STPG2: variants seen among roughly 807,000 people sequenced by gnomAD.
STPG2 encodes the protein sperm-tail PG-rich repeat-containing protein 2.
A neutral mutation model predicts 54.2 loss-of-function variants in STPG2; 56 were observed. The observed-to-expected ratio is 1.03, with a 90% confidence interval of 0.83 to 1.29. The LOEUF is 1.29. Ranked by LOEUF, STPG2 falls within the 50% of genes most tolerant of loss-of-function variation. STPG2 has a pLI of 0.00. For synonymous variants in STPG2, 200 were observed against 181.8 expected (o/e 1.10, Z -0.81); for missense variants, 596 against 544.9 (o/e 1.09, Z -0.93).
chr4:97,466,647 TGTGA>T (rs1729794820), intron 4 of STPG2, among the ~76,000 whole-genome samples: 1 of 152,108 alleles, frequency 6.6e-6, no homozygotes, highest in Admixed American at 6.6e-5. Flanking sequence ...ATTTTTCTTT[TGTGA>T]GTTTCTTCCA....
chr4:97,597,367 C>G (rs1293427021), intron 10 of STPG2, among the ~76,000 whole-genome samples: 6 of 151,850 alleles, frequency 4.0e-5, no homozygotes, highest in Non-Finnish European at 8.8e-5. Flanking sequence ...GAAACTATTC[C>G]AAAAAATTGA....
intron 9 of STPG2, among the ~76,000 whole-genome samples, chr4:97,839,308 T>C (rs780573991): frequency 7.5e-4 from 114 of 151,660 alleles, no homozygotes; most frequent in Admixed American, 1.3e-3. Context: ...ATTAGCTAAT[T>C]TACTTGCCCT....
At chr4:97,939,134 T>A (rs1380155187) in intron 8 of STPG2, among the ~76,000 whole-genome samples, 1 of 152,242 alleles carries the variant, frequency 6.6e-6, no homozygotes, top group African/African-American at 2.4e-5. Context: ...GATTTTTTTA[T>A]AGTCTTGACA....
chr4:98,139,919 A>C (rs1293297392), intron 1 of STPG2, among the ~76,000 whole-genome samples: 2 of 152,156 alleles, frequency 1.3e-5, no homozygotes, highest in Non-Finnish European at 2.9e-5. Context: ...TATGGTATTC[A>C]CCTAAAAACT....
intron 7 of STPG2, among the ~76,000 whole-genome samples, chr4:97,963,762 G>A (rs576484118): frequency 5.8e-4 from 88 of 151,082 alleles, no homozygotes; most frequent in African/African-American, 1.3e-3. Flanking sequence ...TACTTATATC[G>A]GACTAAATGA....
intron 3 of STPG2, among the ~76,000 whole-genome samples, chr4:98,113,388 T>C (rs1578176236): frequency 6.6e-6 from 1 of 152,026 alleles, no homozygotes; most frequent in Non-Finnish European, 1.5e-5. Flanking sequence ...AAAAAAATGG[T>C]ATTTAAGTTA....
At chr4:97,904,144 G>A (rs919426123) in intron 8 of STPG2, among the ~76,000 whole-genome samples, 1 of 152,252 alleles carries the variant, frequency 6.6e-6, no homozygotes, top group African/African-American at 2.4e-5. Context: ...ACCTCTGGGG[G>A]CAGGGCACAG....
chr4:97,899,437 A>G (rs1012661170), intron 8 of STPG2, among the ~76,000 whole-genome samples: 9 of 152,002 alleles, frequency 5.9e-5, no homozygotes, highest in African/African-American at 1.9e-4. Context: ...CTATCAAACT[A>G]CCAATGATTT....
chr4:97,533,406 T>C (rs1731459530), intron 4 of STPG2, among the ~76,000 whole-genome samples: 1 of 152,106 alleles, frequency 6.6e-6, no homozygotes, highest in Admixed American at 6.6e-5. Context: ...CTGTGTGTTG[T>C]CGTTATTGTT....
intron 5 of STPG2, among the ~76,000 whole-genome samples, chr4:97,987,349 G>C (rs1734860624): frequency 6.6e-6 from 1 of 152,128 alleles, no homozygotes; most frequent in South Asian, 2.1e-4. Context: ...CAGCTAGCTT[G>C]TCTCTAAAAA....
At chr4:97,668,416 T>C (rs1164680213) in intron 10 of STPG2, among the ~76,000 whole-genome samples, 1 of 152,102 alleles carries the variant, frequency 6.6e-6, no homozygotes, top group African/African-American at 2.4e-5. Flanking sequence ...TCAATGAACA[T>C]TGAAATGATC....
At chr4:97,605,603 G>A (rs945860601) in intron 10 of STPG2, among the ~76,000 whole-genome samples, 4 of 151,666 alleles carry the variant, frequency 2.6e-5, no homozygotes, top group Non-Finnish European at 5.9e-5. Context: ...TGACTTGGAA[G>A]TTTTGCATAG....
chr4:97,787,174 T>C (rs867840196), intron 9 of STPG2, among the ~76,000 whole-genome samples: 2 of 152,242 alleles, frequency 1.3e-5, no homozygotes, highest in Middle Eastern at 3.4e-3. Context: ...GACAGTTTAA[T>C]CATCCTGTGA....
chr4:98,104,632 T>G (rs1215946755), intron 5 of STPG2, among the ~76,000 whole-genome samples: 1 of 152,240 alleles, frequency 6.6e-6, no homozygotes, highest in African/African-American at 2.4e-5. Flanking sequence ...TTCAAAATTC[T>G]TATTTTATCA....
chr4:97,859,008 C>A (rs1477046468), intron 8 of STPG2, among the ~76,000 whole-genome samples: 1 of 152,160 alleles, frequency 6.6e-6, no homozygotes, highest in African/African-American at 2.4e-5. Flanking sequence ...GTTTACATTC[C>A]CAACAGCAGT....
chr4:97,577,849 T>C (rs1732761767), intron 10 of STPG2, among the ~76,000 whole-genome samples: 1 of 152,220 alleles, frequency 6.6e-6, no homozygotes. Context: ...TGTTAATTGT[T>C]AATTTCAACA....
rs551178050 is a variant in STPG2 at position 97,731,245 on chromosome 4, G to C, written c.1205-18431C>G. 6.2e-4 allele frequency among the ~76,000 whole-genome samples: 94 copies of C among 152,260 alleles called. 2 individuals carry two copies. Among genetic ancestry groups the C allele is most frequent in the Admixed American group, 2.0e-3 (30 of 15,292 alleles). ...ACGCTGAGTATAGTCAATTGGCTTTGTTTCTGGGTGCTTCAGAGGGCCAAA... is the reference window on the plus strand; with the variant it reads ...ACGCTGAGTATAGTCAATTGGCTTTCTTTCTGGGTGCTTCAGAGGGCCAAA... On this transcript the variant is annotated intron_variant, in intron 9 of 10. Transcript: ENST00000295268.
chr4:97,860,609 A>G (rs1729494048), intron 8 of STPG2, among the ~76,000 whole-genome samples: 1 of 151,752 alleles, frequency 6.6e-6, no homozygotes, highest in Non-Finnish European at 1.5e-5. Flanking sequence ...CATGCTACTG[A>G]TTTGTGAACA....
intron 8 of STPG2, among the ~76,000 whole-genome samples, chr4:97,881,173 G>C (rs910466227): frequency 6.6e-6 from 1 of 151,894 alleles, no homozygotes; most frequent in African/African-American, 2.4e-5. Flanking sequence ...AGTCTGAGAA[G>C]AGGCCACTAA....
Sources: allele counts gnomAD v4.1 joint callset (sites outside exome capture counted in the v4.1 genomes callset), GRCh38; gene constraint gnomAD v4.1.1; transcripts MANE v1.5; gene names NCBI Gene and HGNC (gene_info 2026-07-23, HGNC 2026-07-21).